The following NUP155 variants were observed in gnomAD, a reference collection of about 807,000 sequenced individuals.
NUP155 encodes nuclear pore complex protein Nup155.
Under a neutral mutation model 180.4 loss-of-function variants are expected in NUP155, and 71 were observed. The observed-to-expected ratio is 0.39, with a 90% CI of 0.33 to 0.48. The LOEUF is 0.48. Ranked by LOEUF, NUP155 falls within the 20% of genes least tolerant of loss-of-function variation. NUP155 has a pLI of 0.91. For missense variants in NUP155, 1,553 were observed against 1,648.9 expected (o/e 0.94, Z 1.01); for synonymous variants, 582 against 559.5 (o/e 1.04, Z -0.57).
chr5:37,317,904 C>CTAAGAAA, intron 21 of NUP155, 84 bp downstream of exon 21: 1 of 825,760 alleles, frequency 1.2e-6, no homozygotes, highest in South Asian at 1.3e-5. Context: ...GTACATCTTA[C>CTAAGAAA]TAAGAAAGTC....
intron 4 of NUP155, among the ~76,000 whole-genome samples, chr5:37,354,571 G>A (rs1746689367): frequency 6.7e-6 from 1 of 148,958 alleles, no homozygotes; most frequent in African/African-American, 2.5e-5. Context: ...CGATCCTCCC[G>A]CTTCAGCCTC....
intron 1 of NUP155, among the ~76,000 whole-genome samples, chr5:37,365,313 G>C (rs1747485704): frequency 6.6e-6 from 1 of 152,152 alleles, no homozygotes; most frequent in East Asian, 1.9e-4. Context: ...TGTATTGTTT[G>C]TAACACAAAG....
rs185123130 is a variant in NUP155 at position 37,338,974 on chromosome 5, A to T, written c.1247-1056T>A. 2.1e-4 allele frequency among the ~76,000 whole-genome samples: 32 copies of T among 152,328 alleles called. No individual in the cohort carries two copies. The East Asian group carries it at 2.1e-3, about 10-fold the overall frequency. On this transcript the variant is annotated intron_variant, in intron 11 of 34. Coordinates refer to ENST00000231498, the MANE Select transcript of NUP155 (RefSeq NM_153485.3). ...CAAATTCACAATGTAATACAAGCTAATATTCAATGAAATACAGTTTATATA... is the reference window on the plus strand; with the variant it reads ...CAAATTCACAATGTAATACAAGCTATTATTCAATGAAATACAGTTTATATA...
intron 20 of NUP155, among the ~76,000 whole-genome samples, chr5:37,319,719 A>G (rs985004782): frequency 6.6e-6 from 1 of 152,130 alleles, no homozygotes; most frequent in African/African-American, 2.4e-5. Flanking sequence ...TGAAATAAAA[A>G]AATTAGCTGA....
At position 37,296,560 on chromosome 5, in the gene NUP155, C is replaced by CCT. The variant is rs1742589721; in HGVS notation, c.3794-2096_3794-2095insAG. ...GGACACAAACGCTGCGGAAGGCAGC[C>CCT]GCAGGGTCCTCTGCCTAGGAAAACC... On this transcript the variant is annotated intron_variant, in intron 32 of 34. Coordinates refer to ENST00000231498, the MANE Select transcript of NUP155 (RefSeq NM_153485.3). Among the ~76,000 whole-genome samples the CCT allele has an allele frequency of 4.5e-5, 6 of 132,610 alleles. No homozygotes were observed. In the South Asian group the frequency reaches 1.5e-3, roughly 33 times the overall value. The allele number at this position is 132,610 out of a possible 152,430, so 87.0% of individuals were successfully genotyped here.
At chr5:37,365,131 G>T (rs1156898894) in intron 1 of NUP155, among the ~76,000 whole-genome samples, 1 of 151,608 alleles carries the variant, frequency 6.6e-6, no homozygotes, top group Non-Finnish European at 1.5e-5. Flanking sequence ...GCCTGGTGGC[G>T]TGCGCCTATA....
intron 3 of NUP155, among the ~76,000 whole-genome samples, chr5:37,363,473 G>T (rs952925056): frequency 5.9e-5 from 9 of 151,984 alleles, no homozygotes; most frequent in African/African-American, 2.2e-4. Flanking sequence ...ATTTACACAC[G>T]GGTCAAATTC....
intron 4 of NUP155, among the ~76,000 whole-genome samples, chr5:37,354,948 C>T (rs963937555): frequency 2.6e-5 from 4 of 151,652 alleles, no homozygotes; most frequent in Non-Finnish European, 4.4e-5. Context: ...AAAAATTAGC[C>T]GGGCCTGCTG....
At chr5:37,294,851 T>A (rs1742437381) in intron 32 of NUP155, among the ~76,000 whole-genome samples, 1 of 152,114 alleles carries the variant, frequency 6.6e-6, no homozygotes, top group Non-Finnish European at 1.5e-5. Flanking sequence ...TGTGAAGGAA[T>A]GGGAAGTGAC....
At chr5:37,314,452 C>A (rs1243625653) in intron 21 of NUP155, 124 bp from the exon 22 acceptor site, 1 of 694,964 alleles carries the variant, frequency 1.4e-6, no homozygotes, top group Non-Finnish European at 2.5e-6. Context: ...TACAGGCAAC[C>A]ATGATAATCA....
At chr5:37,322,159 A>T (rs1744287049) in intron 20 of NUP155, among the ~76,000 whole-genome samples, 1 of 151,760 alleles carries the variant, frequency 6.6e-6, no homozygotes, top group African/African-American at 2.4e-5. Flanking sequence ...CGGCCTATTT[A>T]TGTGTTTTTG....
rs570982659 is a variant in NUP155, at chr5:37,345,510, C to CAAA, written c.996-2867_996-2865dup. On this transcript the variant is annotated intron_variant, in intron 9 of 34. Transcript: ENST00000231498. ...TGGGTATCAGAGTGTGACTCCATTTCAAAAAAAAAAAAAAAAAAAAGTCAT... is the reference window on the plus strand; with the variant it reads ...TGGGTATCAGAGTGTGACTCCATTTCAAAAAAAAAAAAAAAAAAAAAAAGTCAT... Among the ~76,000 whole-genome samples, 27 of 67,104 alleles carry CAAA rather than the reference C, an allele frequency of 4.0e-4. 1 individual carries two copies. Among genetic ancestry groups the CAAA allele is most frequent in the African/African-American group, 1.4e-3 (25 of 18,446 alleles). The allele number at this position is 67,104 out of a possible 152,430, so 44.0% of individuals were successfully genotyped here.
intron 28 of NUP155, 58 bp downstream of exon 28, chr5:37,303,202 G>T: frequency 6.4e-7 from 1 of 1,570,522 alleles, no homozygotes; most frequent in African/African-American, 1.3e-5. Context: ...AAAACTGAAT[G>T]TAAGTACATA....
chr5:37,335,449 A>G (rs1040575354), intron 12 of NUP155, among the ~76,000 whole-genome samples: 4 of 152,014 alleles, frequency 2.6e-5, no homozygotes, highest in Non-Finnish European at 5.9e-5. Flanking sequence ...AGCAGCCAAA[A>G]ATGTTGAATA....
At chr5:37,355,422 C>T (rs893898464) in intron 4 of NUP155, among the ~76,000 whole-genome samples, 45 of 151,562 alleles carry the variant, frequency 3.0e-4, no homozygotes, top group African/African-American at 9.2e-4. Context: ...GCAGGAGAAT[C>T]GCTTAAACCC....
chr5:37,313,132 T>C (rs985659089), intron 22 of NUP155, among the ~76,000 whole-genome samples: 2 of 152,060 alleles, frequency 1.3e-5, no homozygotes, highest in East Asian at 3.9e-4. Flanking sequence ...AATATCTTCC[T>C]TTAAAGTAGG....
chr5:37,346,986 G>A (rs917766630), intron 9 of NUP155, among the ~76,000 whole-genome samples: 3 of 152,172 alleles, frequency 2.0e-5, no homozygotes, highest in Admixed American at 6.5e-5. Flanking sequence ...CCAGCACTTT[G>A]GGAGGCCAGA....
chr5:37,302,276 A>G, intron 29 of NUP155, among the ~76,000 whole-genome samples: 1 of 152,206 alleles, frequency 6.6e-6, no homozygotes, highest in Admixed American at 6.5e-5. Context: ...TCTGTCTCCC[A>G]GGCTGGAATG....
In NUP155 at chr5:37,291,858, T is replaced by C; in HGVS notation, c.*42A>G. On this transcript the variant is annotated 3_prime_UTR_variant, in exon 35 of 35. Transcript: ENST00000231498. Reference sequence around the variant, plus strand: ...TGATATCTGGACCCAGCTGAGTTTTTATTTTACAGATCATAAAACGGATGA... The same window carrying C: ...TGATATCTGGACCCAGCTGAGTTTTCATTTTACAGATCATAAAACGGATGA... 6.3e-7 allele frequency: 1 copy of C among 1,595,940 alleles called. No homozygotes were observed. Among genetic ancestry groups the C allele is most frequent in the South Asian group, 1.1e-5 (1 of 90,534 alleles).
Sources: allele counts gnomAD v4.1 joint callset (sites outside exome capture counted in the v4.1 genomes callset), GRCh38; gene constraint gnomAD v4.1.1; transcripts MANE v1.5; gene names NCBI Gene and HGNC (gene_info 2026-07-23, HGNC 2026-07-21).